Variants in NFIC observed in about 807,000 individuals in gnomAD.
NFIC encodes nuclear factor I C.
Under a neutral mutation model 54.4 loss-of-function variants are expected in NFIC, and 12 were observed. The ratio of observed to expected loss-of-function variants is 0.22; its 90% CI spans 0.14 to 0.36. NFIC has a LOEUF of 0.36. Ranked by LOEUF, NFIC falls within the 10% of genes least tolerant of loss-of-function variation. The pLI is 1.00. For missense variants in NFIC, 575 were observed against 718.2 expected, an observed-to-expected ratio of 0.80 and a Z score of 2.28; for synonymous variants, 322 against 319.2, an observed-to-expected ratio of 1.01 and a Z score of -0.09.
chr19:3,430,244 C>CT (rs869061995), intron 3 of NFIC, among the ~76,000 whole-genome samples: 6,596 of 142,864 alleles, frequency 0.046, 454 homozygotes, highest in African/African-American at 0.15. Flanking sequence ...CAGAACCTTT[C>CT]TTTTTTTTTT....
rs1428479952 is a variant in NFIC at position 3,465,432 on chromosome 19, A to T, written c.*2663A>T. Reference sequence around the variant, plus strand: ...TAAAAAATAAGAAAGTGAGAATCTAAAAAAAAAAAAAAAAAAAAAAAAGGA... The same window carrying T: ...TAAAAAATAAGAAAGTGAGAATCTATAAAAAAAAAAAAAAAAAAAAAAGGA... On this transcript the variant is annotated 3_prime_UTR_variant, in exon 11 of 11. Transcript: ENST00000443272. 1.4e-5 allele frequency: 1 copy of T among 70,700 alleles called. No individual in the cohort carries two copies. The highest frequency in any genetic ancestry group is 2.4e-5 in the Non-Finnish European group (1 of 41,720). 4.4% of individuals were successfully genotyped at this position (70,700 alleles called of 1,614,324 possible). A position where few individuals can be genotyped will look rare whatever the true frequency, so the allele number is the denominator to read the frequency against.
chr19:3,379,490 C>T (rs1438081718), intron 1 of NFIC, among the ~76,000 whole-genome samples: 4 of 151,852 alleles, frequency 2.6e-5, no homozygotes, highest in East Asian at 3.9e-4. Context: ...GGACTACAGG[C>T]GTGTGCCACC....
rs981054671 is a variant in NFIC, at chr19:3,375,376, C to T, written c.31-6336C>T. Among the ~76,000 whole-genome samples, 17 of 152,320 alleles carry T rather than the reference C, an allele frequency of 1.1e-4. No homozygotes were observed. Among genetic ancestry groups the T allele is most frequent in the African/African-American group, 4.1e-4 (17 of 41,580 alleles). ...CCGCGTCCCACTGTGCCCCCCACCA[C>T]CCCCACTGCCCGGCTTCCCTGGCCA... On this transcript the variant is annotated intron_variant, in intron 1 of 10. Transcript: ENST00000443272. The surrounding 1 kb of genome is among the most constrained non-coding windows in gnomAD (Gnocchi z 4.6).
chr19:3,445,615 A>G (rs2082363403), intron 6 of NFIC, among the ~76,000 whole-genome samples: 1 of 152,142 alleles, frequency 6.6e-6, no homozygotes, highest in Non-Finnish European at 1.5e-5. Flanking sequence ...GTGCAGGGCC[A>G]TGGGGACAGC....
chr19:3,448,831 C>G (rs1009384348), intron 6 of NFIC, among the ~76,000 whole-genome samples, 183 bp from the exon 7 acceptor site: 2 of 152,190 alleles, frequency 1.3e-5, no homozygotes, highest in African/African-American at 4.8e-5. Flanking sequence ...AGCCCCTTCT[C>G]TGCTCTGAGC....
chr19:3,384,327 AAAGTGTTAG>A (rs2081258982), intron 2 of NFIC, among the ~76,000 whole-genome samples: 2 of 151,964 alleles, frequency 1.3e-5, no homozygotes, highest in South Asian at 4.2e-4. Context: ...TTGGCCTCCC[AAAGTGTTAG>A]AAGTACAGCA....
chr19:3,444,685 G>C (rs1251032005), intron 6 of NFIC, among the ~76,000 whole-genome samples: 2 of 152,216 alleles, frequency 1.3e-5, no homozygotes, highest in Non-Finnish European at 2.9e-5. Context: ...TGGAGTCTGA[G>C]CCAGACTATT....
At chr19:3,408,138 G>A (rs956152283) in intron 2 of NFIC, among the ~76,000 whole-genome samples, 2 of 152,124 alleles carry the variant, frequency 1.3e-5, no homozygotes, top group Non-Finnish European at 2.9e-5. Flanking sequence ...AATCAACCAG[G>A]CGAGCTCACG....
At position 3,467,783 on chromosome 19, in the gene NFIC, A is replaced by ATATATATATATATG. The variant is rs1421160191; in HGVS notation, c.*5020_*5021insTATATATGTATATA. On this transcript the variant is annotated 3_prime_UTR_variant, in exon 11 of 11. Transcript: ENST00000443272. ...CATATATATATATATATATATATAT[A>ATATATATATATATG]TATATAATTTTGGAATTTGTTTCTC... 5 of 138,036 alleles carry ATATATATATATATG rather than the reference A, an allele frequency of 3.6e-5. No homozygotes were observed. Among genetic ancestry groups the ATATATATATATATG allele is most frequent in the African/African-American group, 1.4e-4 (5 of 35,422 alleles). 8.6% of individuals were successfully genotyped at this position (138,036 alleles called of 1,614,324 possible).
chr19:3,405,276 G>GC (rs1177763735), intron 2 of NFIC, among the ~76,000 whole-genome samples: 3 of 152,096 alleles, frequency 2.0e-5, no homozygotes, highest in South Asian at 2.1e-4. Flanking sequence ...TGCCTCTCGG[G>GC]CCCCCCCAGG....
intron 2 of NFIC, among the ~76,000 whole-genome samples, chr19:3,412,476 C>T (rs758505): frequency 0.94 from 142,796 of 152,244 alleles, 66,993 homozygotes; most frequent in East Asian, 0.97. Flanking sequence ...TGGTCTTGAA[C>T]TCCTGACCTC....
chr19:3,429,261 C>T lies in NFIC; in HGVS notation c.634+4084C>T, dbSNP rs1457679651. ...AAAAAAAAAAAAATATATACACACA[C>T]ACACACACACACACACACACACACA... is the stretch of plus-strand genomic sequence containing the variant. On this transcript the variant is annotated intron_variant, in intron 3 of 10. Transcript: ENST00000443272. 3.2e-3 allele frequency among the ~76,000 whole-genome samples: 321 copies of T among 101,560 alleles called. 34 individuals are homozygous for T. The highest frequency in any genetic ancestry group is 0.012 in the African/African-American group (254 of 20,706). The allele number at this position is 101,560 out of a possible 152,430, so 66.6% of individuals were successfully genotyped here.
At position 3,436,133 on chromosome 19, in the gene NFIC, T is replaced by TTTTGTTTGTTTGTTTG. The variant is rs10655460; in HGVS notation, c.958+938_958+953dup. Among the ~76,000 whole-genome samples, 588 of 147,780 alleles carry TTTTGTTTGTTTGTTTG rather than the reference T, an allele frequency of 4.0e-3. 6 individuals are homozygous for TTTTGTTTGTTTGTTTG. Among genetic ancestry groups the TTTTGTTTGTTTGTTTG allele is most frequent in the African/African-American group, 0.01 (410 of 39,780 alleles). ...GTGAGCCACCACGCCCGGCCTCTGT[T>TTTTGTTTGTTTGTTTG]TTTGTTTGTTTGTTTGTTTGTTTGT... On this transcript the variant is annotated intron_variant, in intron 6 of 10. Coordinates refer to ENST00000443272, the MANE Select transcript of NFIC (RefSeq NM_001245002.2).
At chr19:3,434,683 C>G (rs1395188610) in intron 5 of NFIC, among the ~76,000 whole-genome samples, 2 of 152,156 alleles carry the variant, frequency 1.3e-5, no homozygotes, top group African/African-American at 2.4e-5. Context: ...CAGGTTGTTG[C>G]TGAGATATGC....
chr19:3,460,200 G>A (rs1258749353), intron 10 of NFIC, among the ~76,000 whole-genome samples: 3 of 152,204 alleles, frequency 2.0e-5, no homozygotes, highest in Non-Finnish European at 2.9e-5. Flanking sequence ...GAGCAAGAGG[G>A]GGCCATCCGG....
intron 1 of NFIC, among the ~76,000 whole-genome samples, chr19:3,359,924 C>T (rs1387901702): frequency 2.0e-5 from 3 of 149,742 alleles, no homozygotes; most frequent in East Asian, 2.1e-4. Flanking sequence ...AAGTGGGGGG[C>T]CCCTCGCGGG....
At chr19:3,434,176 C>A (rs2082162700) in intron 4 of NFIC, 101 bp from the exon 5 acceptor site, 2 of 1,468,846 alleles carry the variant, frequency 1.4e-6, no homozygotes, top group African/African-American at 1.4e-5. Context: ...GGAAGGGGGT[C>A]CCCCTTTGGA....
chr19:3,407,304 G>C (rs534127313), intron 2 of NFIC, among the ~76,000 whole-genome samples: 1 of 151,834 alleles, frequency 6.6e-6, no homozygotes, highest in African/African-American at 2.4e-5. Flanking sequence ...TAGTAGAGAC[G>C]GGGTTTCACT....
intron 10 of NFIC, among the ~76,000 whole-genome samples, chr19:3,461,628 C>T (rs1483534567): frequency 4.0e-5 from 6 of 150,824 alleles, no homozygotes; most frequent in Non-Finnish European, 7.4e-5. Flanking sequence ...GAGGCTAAGG[C>T]ACAAGGATCA....
Sources: allele counts gnomAD v4.1 joint callset (sites outside exome capture counted in the v4.1 genomes callset), GRCh38; gene constraint gnomAD v4.1.1; non-coding constraint Gnocchi (gnomAD v3.1); transcripts MANE v1.5; gene names NCBI Gene and HGNC (gene_info 2026-07-23, HGNC 2026-07-21).